The following NOC4L variants were observed in gnomAD, a reference collection of about 807,000 sequenced individuals.
NOC4L encodes the protein nucleolar complex associated 4 homolog, also known as nucleolar complex protein 4 homolog.
NOC4L carries 40 observed loss-of-function variants against 62.8 expected under a neutral mutation model. That is an observed-to-expected ratio of 0.64 (90% CI 0.49 to 0.83). The LOEUF is 0.83. NOC4L is among the 40% of genes least tolerant of loss of function. NOC4L has a pLI of 0.00. For synonymous variants in NOC4L, 433 were observed against 299.8 expected, an observed-to-expected ratio of 1.44 and a Z score of -4.59; for missense variants, 927 against 701.9, an observed-to-expected ratio of 1.32 and a Z score of -3.62.
At chr12:132,146,026 T>G (rs549239478) in intron 3 of NOC4L, among the ~76,000 whole-genome samples, 52 of 152,360 alleles carry the variant, frequency 3.4e-4, no homozygotes, top group Non-Finnish European at 6.9e-4. Flanking sequence ...GAGGAATAAC[T>G]GAGGCACAGT....
chr12:132,144,522 C>T lies in NOC4L; in HGVS notation c.34C>T (p.Arg12Trp), dbSNP rs556531728. Reference protein sequence around the residue: ...EREPGAAGVRRALGRRLEAVL... With the variant: ...EREPGAAGVRWALGRRLEAVL... ...GGAGCCGGGCGCCGCGGGAGTTCGC[C>T]GGGCTCTGGGCCGCCGGCTGGAGGC... The change falls in exon 1 of 15, where the codon CGG becomes TGG. Residue 12 changes from arginine (R) to tryptophan (W), a missense_variant. Arg to Trp is a moderately radical substitution (Grantham distance 101). Transcript: ENST00000330579. 5.3e-6 allele frequency: 8 copies of T among 1,517,540 alleles called. No homozygotes were observed. The highest frequency in any genetic ancestry group is 2.1e-5 in the Admixed American group (1 of 48,772). The allele number at this position is 1,517,540 out of a possible 1,614,324, so 94.0% of individuals were successfully genotyped here.
At chr12:132,147,122 G>A (rs887665955) in intron 3 of NOC4L, among the ~76,000 whole-genome samples, 159 bp from the exon 4 acceptor site, 3 of 152,222 alleles carry the variant, frequency 2.0e-5, no homozygotes, top group Admixed American at 1.3e-4. Flanking sequence ...GGACACGGAA[G>A]CCCAGAGTGG....
chr12:132,151,138 C>A, intron 10 of NOC4L, 97 bp downstream of exon 10: 5 of 1,431,400 alleles, frequency 3.5e-6, no homozygotes, highest in Non-Finnish European at 4.9e-6. Flanking sequence ...CCGCTTTCCT[C>A]ACAGGCCATG....
chr12:132,151,463 C>A (rs757913718), intron 11 of NOC4L, 21 bp from the exon 12 acceptor site: 1 of 1,599,990 alleles, frequency 6.3e-7, no homozygotes, highest in Non-Finnish European at 8.5e-7. Flanking sequence ...GGCCCTGTCT[C>A]ACAACCACTG....
intron 4 of NOC4L, 68 bp downstream of exon 4, chr12:132,147,456 T>TG (rs1369006757): frequency 1.6e-5 from 24 of 1,470,968 alleles, no homozygotes; most frequent in Non-Finnish European, 3.7e-6. Context: ...GGCCCCGTAG[T>TG]GGGGGCGGGG....
chr12:132,144,541 T>C lies in NOC4L; in HGVS notation c.53T>C (p.Leu18Pro), dbSNP rs771197580. Residue 18 changes from leucine to proline, a missense_variant, in exon 1 of 15, where the codon CTG becomes CCG. Transcript: ENST00000330579. ...AGVRRALGRR[L>P]EAVLASRSEA... Reference sequence around the variant, plus strand: ...GTTCGCCGGGCTCTGGGCCGCCGGCTGGAGGCGGTGCTGGCGAGCCGCAGT... The same window carrying C: ...GTTCGCCGGGCTCTGGGCCGCCGGCCGGAGGCGGTGCTGGCGAGCCGCAGT... 2 of 1,518,234 alleles carry C rather than the reference T, an allele frequency of 1.3e-6. No homozygotes were observed. Among genetic ancestry groups the C allele is most frequent in the South Asian group, 2.4e-5 (2 of 81,946 alleles). 94.0% of individuals were successfully genotyped at this position (1,518,234 alleles called of 1,614,324 possible).
chr12:132,146,431 C>T (rs1360075441), intron 3 of NOC4L: 12 of 441,206 alleles, frequency 2.7e-5, no homozygotes, highest in Admixed American at 9.5e-5. Flanking sequence ...TGTGAACGTT[C>T]GCGTACAAAC....
At position 132,151,382 on chromosome 12, in the gene NOC4L, C is replaced by T. The variant is rs774175279; in HGVS notation, c.1073+14C>T. The T allele has an allele frequency of 1.5e-5, 24 of 1,606,568 alleles. No individual in the cohort carries two copies. Among genetic ancestry groups the T allele is most frequent in the African/African-American group, 2.7e-5 (2 of 74,932 alleles). On this transcript the variant is annotated intron_variant, in intron 11 of 14. Coordinates refer to ENST00000330579, the MANE Select transcript of NOC4L (RefSeq NM_024078.3). Reference sequence around the variant, plus strand: ...CCTGTCCTCCTCGTGAGTACCAGGGCACCTGGCTCTGCCCTGCTCTGTGCG... The same window carrying T: ...CCTGTCCTCCTCGTGAGTACCAGGGTACCTGGCTCTGCCCTGCTCTGTGCG...
chr12:132,148,010 G>A, intron 6 of NOC4L, 31 bp downstream of exon 6: 1 of 1,612,868 alleles, frequency 6.2e-7, no homozygotes, highest in Non-Finnish European at 8.5e-7. Context: ...GGGCGGACAG[G>A]GCTGAGCCTT....
chr12:132,145,125 C>A, intron 2 of NOC4L, 151 bp downstream of exon 2: 1 of 1,152,706 alleles, frequency 8.7e-7, no homozygotes, highest in African/African-American at 1.5e-5. Flanking sequence ...TGGATGGTGG[C>A]GTTGGGGCAG....
In NOC4L at chr12:132,148,076, G is replaced by A. The variant is rs1350866478; in HGVS notation, c.708G>A (p.Leu236=). ...VSSFYVKRAE[L]WDTWKVAHLK... ...TTGCCCTCGCTTTCCCTGCAGAGCT[G>A]TGGGACACCTGGAAGGTTGCTCACC... Residue 236 remains leucine (L), a synonymous_variant, in exon 7 of 15, where the codon CTG becomes CTA. Coordinates refer to ENST00000330579, the MANE Select transcript of NOC4L (RefSeq NM_024078.3). The A allele has an allele frequency of 2.5e-6, 4 of 1,613,404 alleles. No homozygotes were observed. The highest frequency in any genetic ancestry group is 2.5e-6 in the Non-Finnish European group (3 of 1,179,990).
chr12:132,147,845 G>A (rs1423031590), intron 5 of NOC4L, 35 bp from the exon 6 acceptor site: 4 of 1,609,884 alleles, frequency 2.5e-6, no homozygotes, highest in African/African-American at 1.3e-5. Flanking sequence ...AGGGACTGGG[G>A]GGCGGCGTCC....
At position 132,145,622 on chromosome 12, in the gene NOC4L, A is replaced by G; in HGVS notation, c.302A>G (p.Asn101Ser). ...WMRHRYHSCC[N>S]RLGELLGHPS... ...AGACACCGCTATCACAGCTGCTGCA[A>G]TCGCTTGGGAGAGCTCCTGGGCCAC... The change falls in exon 3 of 15, where the codon AAT becomes AGT. Residue 101 changes from asparagine to serine, a missense_variant. Transcript: ENST00000330579. 2 of 1,613,572 alleles carry G rather than the reference A, an allele frequency of 1.2e-6. No individual in the cohort carries two copies. The highest frequency in any genetic ancestry group is 1.3e-5 in the African/African-American group (1 of 75,030).
In NOC4L at chr12:132,144,565, G is replaced by T; in HGVS notation, c.77G>T (p.Ser26Ile). 1 of 1,522,056 alleles carries T rather than the reference G, an allele frequency of 6.6e-7. No homozygotes were observed. Among genetic ancestry groups the T allele is most frequent in the South Asian group, 1.2e-5 (1 of 82,332 alleles). The allele number at this position is 1,522,056 out of a possible 1,614,324, so 94.3% of individuals were successfully genotyped here. The change falls in exon 1 of 15, where the codon AGT (serine) becomes ATT (isoleucine). Residue 26 changes from serine to isoleucine, a missense_variant. Coordinates refer to ENST00000330579, the MANE Select transcript of NOC4L (RefSeq NM_024078.3). ...CTGGAGGCGGTGCTGGCGAGCCGCA[G>T]TGAGGCCAACGCCGTGTTCGACATC... ...RRLEAVLASR[S>I]EANAVFDILA...
rs761788217 is a variant in NOC4L at position 132,147,883 on chromosome 12, C to A, written c.607C>A (p.Pro203Thr). Residue 203 changes from proline (P) to threonine (T), a missense_variant, in exon 6 of 15, where the codon CCC becomes ACC. Coordinates refer to ENST00000330579, the MANE Select transcript of NOC4L (RefSeq NM_024078.3). ...GCACTCAGGCCAGGCTCCGCAGGTG[C>A]CCCCCGCCTTTTGGAACAATGCCTT... ...ARVTGQHPEVPPAFWNNAFTL... is the reference protein window; with the variant it reads ...ARVTGQHPEVTPAFWNNAFTL... 7.5e-6 allele frequency: 12 copies of A among 1,608,574 alleles called. No individual in the cohort carries two copies. Among genetic ancestry groups the A allele is most frequent in the Non-Finnish European group, 8.5e-6 (10 of 1,179,100 alleles).
At chr12:132,148,749 C>A in intron 8 of NOC4L, 35 bp from the exon 9 acceptor site, 1 of 475,424 alleles carries the variant, frequency 2.1e-6, no homozygotes, top group Non-Finnish European at 3.6e-6. Flanking sequence ...CCCCGCCCAC[C>A]CGCCCCTCAC....
rs753389452 is a variant in NOC4L at position 132,152,128 on chromosome 12, C to T, written c.1362C>T (p.Ser454=). The T allele has an allele frequency of 5.0e-6, 8 of 1,612,282 alleles. No individual in the cohort carries two copies. Among genetic ancestry groups the T allele is most frequent in the Middle Eastern group, 1.6e-4 (1 of 6,064 alleles). The change falls in exon 14 of 15, where the codon AGC becomes AGT. Residue 454 remains serine (S), a synonymous_variant. Transcript: ENST00000330579. The part of the protein sequence containing the change: ...HYHPEVSKAA[S]VINQALSMPE... ...ACCCTGAGGTGTCCAAAGCCGCCAG[C>T]GTCATCAACCAGGCCCTGTCCATGC...
intron 10 of NOC4L, 36 bp from the exon 11 acceptor site, chr12:132,151,222 C>T (rs933451762): frequency 1.9e-6 from 3 of 1,571,348 alleles, no homozygotes; most frequent in South Asian, 1.1e-5. Flanking sequence ...TTCCCGGGCC[C>T]TGCTCCATCC....
intron 3 of NOC4L, among the ~76,000 whole-genome samples, chr12:132,145,995 A>C (rs966294184): frequency 2.0e-5 from 3 of 152,150 alleles, no homozygotes; most frequent in African/African-American, 7.2e-5. Context: ...ATGCATTATG[A>C]GCTTTCTTAA....
Sources: allele counts gnomAD v4.1 joint callset (sites outside exome capture counted in the v4.1 genomes callset), GRCh38; gene constraint gnomAD v4.1.1; transcripts MANE v1.5; gene names NCBI Gene and HGNC (gene_info 2026-07-23, HGNC 2026-07-21).